DNAH2: variants seen among roughly 807,000 people sequenced by gnomAD.
DNAH2 encodes the protein dynein axonemal heavy chain 2, also known as axonemal beta dynein heavy chain 2.
DNAH2 carries 323 observed loss-of-function variants against 523.5 expected under a neutral mutation model. The observed-to-expected ratio is 0.62, with a 90% CI of 0.56 to 0.68. The LOEUF is 0.68. Ranked by LOEUF, DNAH2 falls within the 30% of genes least tolerant of loss-of-function variation. The pLI, the probability that DNAH2 is intolerant of heterozygous loss-of-function variation, is 0.00. For missense variants in DNAH2, 4,907 were observed against 5,701.5 expected (o/e 0.86, Z 4.49); for synonymous variants, 2,093 against 2,177.4 (o/e 0.96, Z 1.08).
chr17:7,753,228 C>A (rs2075738928), intron 12 of DNAH2, among the ~76,000 whole-genome samples: 1 of 152,062 alleles, frequency 6.6e-6, no homozygotes, highest in Non-Finnish European at 1.5e-5. Flanking sequence ...GAGGCAGGAG[C>A]GCCAAGTTTG....
In DNAH2 at chr17:7,765,384, C is replaced by T; in HGVS notation, c.3337-7C>T. 3.1e-6 allele frequency: 5 copies of T among 1,609,974 alleles called. No individual in the cohort carries two copies. The highest frequency in any genetic ancestry group is 4.2e-6 in the Non-Finnish European group (5 of 1,177,880). On this transcript the variant is annotated splice_region_variant and splice_polypyrimidine_tract_variant and intron_variant, in intron 20 of 85. Coordinates refer to ENST00000572933, the MANE Select transcript of DNAH2 (RefSeq NM_020877.5). ...CCTGGTCATCCTCCACTCTCTGACTCCCCCAGGTCCTGGAGATGCTGGACA... is the reference window on the plus strand; with the variant it reads ...CCTGGTCATCCTCCACTCTCTGACTTCCCCAGGTCCTGGAGATGCTGGACA...
intron 15 of DNAH2, 121 bp downstream of exon 15, chr17:7,759,245 C>G: frequency 6.8e-7 from 1 of 1,474,586 alleles, no homozygotes; most frequent in Non-Finnish European, 9.1e-7. Flanking sequence ...TCTCAAACAT[C>G]GTGCTCTAGT....
At position 7,831,415 on chromosome 17, in the gene DNAH2, A is replaced by G. The variant is rs1398117921; in HGVS notation, c.12485A>G (p.Lys4162Arg). Residue 4162 changes from lysine to arginine, a missense_variant, in exon 81 of 86, where the codon AAG becomes AGG. Around this residue, in one of 3 missense-constraint regions of DNAH2, gnomAD observed 1,851 missense variants for 2,139.4 expected, o/e 0.87. Coordinates refer to ENST00000572933, the MANE Select transcript of DNAH2 (RefSeq NM_020877.5). The surrounding 1 kb of genome is among the most constrained non-coding windows in gnomAD (Gnocchi z 4.2). The part of the protein sequence containing the change: ...EKVLELAADV[K>R]QKIPEMIDYE... ...GTCCTTGAGTTGGCCGCTGATGTGA[A>G]GCAGAAGATCCCTGAAATGATCGAC... is the stretch of plus-strand genomic sequence containing the variant. 5 of 1,614,162 alleles carry G rather than the reference A, an allele frequency of 3.1e-6. No homozygotes were observed. The highest frequency in any genetic ancestry group is 4.2e-6 in the Non-Finnish European group (5 of 1,180,024).
intron 31 of DNAH2, 63 bp downstream of exon 31, chr17:7,776,212 T>A: frequency 6.4e-7 from 1 of 1,574,184 alleles, no homozygotes; most frequent in Admixed American, 1.8e-5. Flanking sequence ...ACGCCTGTAA[T>A]CCCAGCACTT....
rs1435271075 is a variant in DNAH2 at position 7,787,954 on chromosome 17, G to C, written c.6698G>C (p.Gly2233Ala). The C allele has an allele frequency of 1.2e-6, 2 of 1,614,078 alleles. No homozygotes were observed. Among genetic ancestry groups the C allele is most frequent in the Non-Finnish European group, 1.7e-6 (2 of 1,180,042 alleles). ...GMVYTDYADL[G>A]WKPYVQSWLE... ...GTCTACACTGACTACGCTGACCTGGGCTGGAAGCCCTATGTTCAGTCATGG... is the reference window on the plus strand; with the variant it reads ...GTCTACACTGACTACGCTGACCTGGCCTGGAAGCCCTATGTTCAGTCATGG... Residue 2233 changes from glycine to alanine, a missense_variant, in exon 43 of 86, where the codon GGC becomes GCC. Gly to Ala is a moderately conservative substitution (Grantham distance 60). This residue lies in a region of DNAH2 where 2,806 missense variants were observed against 3,190.8 expected (regional missense o/e 0.88). Transcript: ENST00000572933.
intron 35 of DNAH2, 122 bp downstream of exon 35, chr17:7,778,591 C>CTTATTTATTTATTTAT (rs199828031): frequency 4.5e-6 from 4 of 889,092 alleles, no homozygotes; most frequent in Non-Finnish European, 4.8e-6. Context: ...ACATGTAATT[C>CTTATTTATTTATTTAT]TTATTTATTT....
chr17:7,759,352 G>T (rs1431640669), intron 15 of DNAH2, 70 bp from the exon 16 acceptor site: 8 of 1,539,014 alleles, frequency 5.2e-6, no homozygotes, highest in Non-Finnish European at 7.0e-6. Context: ...CCTGTTGGCT[G>T]GTTCTCACTT....
intron 56 of DNAH2, among the ~76,000 whole-genome samples, chr17:7,800,771 G>A (rs1460102110): frequency 4.7e-5 from 7 of 150,408 alleles, no homozygotes; most frequent in Admixed American, 4.6e-4. Flanking sequence ...GGAGGCTGAG[G>A]CAGGAGAATG....
chr17:7,800,232 G>T (rs183637478), intron 56 of DNAH2, among the ~76,000 whole-genome samples: 16 of 152,164 alleles, frequency 1.1e-4, no homozygotes, highest in African/African-American at 3.9e-4. Flanking sequence ...TGTACTTTTA[G>T]TAGAGACAGG....
At chr17:7,797,868 C>G (rs2077110481) in intron 53 of DNAH2, 39 bp downstream of exon 53, 1 of 1,578,720 alleles carries the variant, frequency 6.3e-7, no homozygotes, top group Non-Finnish European at 8.6e-7. Flanking sequence ...CCCATCATCT[C>G]AGTGATGGGG....
At chr17:7,803,512 A>C (rs2077279286) in intron 58 of DNAH2, among the ~76,000 whole-genome samples, 1 of 151,994 alleles carries the variant, frequency 6.6e-6, no homozygotes, top group Non-Finnish European at 1.5e-5. Context: ...CTCTACAAAA[A>C]TACAAAAATT....
intron 42 of DNAH2, 129 bp downstream of exon 42, chr17:7,787,162 GC>G: frequency 3.3e-6 from 4 of 1,219,206 alleles, no homozygotes; most frequent in Non-Finnish European, 3.4e-6. Flanking sequence ...AAAGGTGGAT[GC>G]CTGGATTCAG....
At chr17:7,813,417 T>C (rs1369213863) in intron 63 of DNAH2, among the ~76,000 whole-genome samples, 1 of 151,988 alleles carries the variant, frequency 6.6e-6, no homozygotes, top group Non-Finnish European at 1.5e-5. Flanking sequence ...ATTACAGCGT[T>C]GTTAATAGCA....
chr17:7,768,218 A>G lies in DNAH2; in HGVS notation c.3892A>G (p.Arg1298Gly). Residue 1298 changes from arginine (R) to glycine (G), a missense_variant, in exon 24 of 86, where the codon AGG becomes GGG. Physicochemically the swap from Arg to Gly is moderately radical, Grantham distance 125 (BLOSUM62 -2). Coordinates refer to ENST00000572933, the MANE Select transcript of DNAH2 (RefSeq NM_020877.5). ...TCGCTCAAAAATAGAGCAGTTCAAG[A>G]GGACCATGCCTCTCATCTCAGACCT... The part of the protein sequence containing the change: ...TTRSKIEQFK[R>G]TMPLISDLRN... The G allele has an allele frequency of 1.2e-6, 2 of 1,614,178 alleles. No homozygotes were observed. Among genetic ancestry groups the G allele is most frequent in the Non-Finnish European group, 1.7e-6 (2 of 1,180,032 alleles).
intron 22 of DNAH2, among the ~76,000 whole-genome samples, chr17:7,767,302 C>T (rs1007592197): frequency 6.6e-6 from 1 of 152,224 alleles, no homozygotes; most frequent in Non-Finnish European, 1.5e-5. Flanking sequence ...ATTTGAATAT[C>T]GCATGAGTTT....
Position 7,793,052 on chromosome 17 carries a change from A to T in DNAH2, c.7416A>T (p.Pro2472=), listed in dbSNP as rs2076944125. Residue 2472 remains proline (P), a synonymous_variant, in exon 48 of 86, where the codon CCA becomes CCT. Coordinates refer to ENST00000572933, the MANE Select transcript of DNAH2 (RefSeq NM_020877.5). ...VEKRTKGVYV[P]FGGKSMITFM... ...AGCGAACCAAGGGTGTCTACGTGCC[A>T]TTCGGGGGCAAAAGCATGATCACCT... 3.7e-6 allele frequency: 6 copies of T among 1,614,084 alleles called. No homozygotes were observed. Among genetic ancestry groups the T allele is most frequent in the African/African-American group, 1.3e-5 (1 of 74,936 alleles).
intron 2 of DNAH2, 87 bp downstream of exon 2, chr17:7,719,987 A>C (rs2074548964): frequency 7.1e-7 from 1 of 1,406,236 alleles, no homozygotes; most frequent in African/African-American, 1.5e-5. Flanking sequence ...GCTGGGGAGC[A>C]GGCGCTGTTG....
chr17:7,769,391 G>A (rs976440108), intron 24 of DNAH2, among the ~76,000 whole-genome samples: 7 of 152,094 alleles, frequency 4.6e-5, no homozygotes, highest in African/African-American at 1.7e-4. Flanking sequence ...TGAACTCCTG[G>A]CCTCAAGTGA....
Position 7,818,986 on chromosome 17 carries a change from A to G in DNAH2, c.10738A>G (p.Lys3580Glu). 1 of 1,611,662 alleles carries G rather than the reference A, an allele frequency of 6.2e-7. No homozygotes were observed. Among genetic ancestry groups the G allele is most frequent in the Non-Finnish European group, 8.5e-7 (1 of 1,179,948 alleles). Reference sequence around the variant, plus strand: ...GCTGGTGAACACGCTGCATACCTCCAAGATCACAGCCACAGAGGTGACTGA... The same window carrying G: ...GCTGGTGAACACGCTGCATACCTCCGAGATCACAGCCACAGAGGTGACTGA... ...VQLVNTLHTS[K>E]ITATEVTEQL... Residue 3580 changes from lysine (K) to glutamate (E), a missense_variant, in exon 71 of 86, where the codon AAG becomes GAG. This residue lies in a region of DNAH2 where 1,851 missense variants were observed against 2,139.4 expected (regional missense o/e 0.87). Coordinates refer to ENST00000572933, the MANE Select transcript of DNAH2 (RefSeq NM_020877.5).
Sources: gnomAD v4.1 joint callset for allele counts (sites outside exome capture counted in the v4.1 genomes callset) on GRCh38, gnomAD v4.1.1 for gene constraint, gnomAD v4.1.1 regional missense constraint, Gnocchi (gnomAD v3.1) non-coding constraint, MANE v1.5 for transcripts, NCBI Gene and HGNC (gene_info 2026-07-23, HGNC 2026-07-21) for gene names.